The following ST6GALNAC3 variants were observed in gnomAD, a reference collection of about 807,000 sequenced individuals.
ST6GALNAC3 encodes ST6 N-acetylgalactosaminide alpha-2,6-sialyltransferase 3, also known as alpha-N-acetylgalactosaminide alpha-2,6-sialyltransferase 3.
In ST6GALNAC3, 25 loss-of-function variants were observed where a neutral mutation model predicts 32.7. That is an observed-to-expected ratio of 0.76 (90% CI 0.56 to 1.07). ST6GALNAC3 has a LOEUF of 1.07. Among genes scored for constraint, ST6GALNAC3 ranks in the 50% least tolerant of loss-of-function variants. The pLI is 0.00. For synonymous variants in ST6GALNAC3, 129 were observed against 133.1 expected, an observed-to-expected ratio of 0.97 and a Z score of 0.21; for missense variants, 355 against 382.4, an observed-to-expected ratio of 0.93 and a Z score of 0.60.
chr1:76,555,791 C>T lies in ST6GALNAC3; in HGVS notation c.624-71661C>T, dbSNP rs113077932. Among the ~76,000 whole-genome samples the T allele has an allele frequency of 8.3e-3, 1,269 of 152,026 alleles. 14 individuals are homozygous for T. Among genetic ancestry groups the T allele is most frequent in the African/African-American group, 0.029 (1,209 of 41,458 alleles). On this transcript the variant is annotated intron_variant, in intron 3 of 4. Transcript: ENST00000328299. Reference sequence around the variant, plus strand: ...AGATTACAGTAGAATTCCCAGGGTTCTATATTTTTAGAGGGATTCTGGGTA... The same window carrying T: ...AGATTACAGTAGAATTCCCAGGGTTTTATATTTTTAGAGGGATTCTGGGTA...
At chr1:76,589,021 T>C (rs1404131919) in intron 3 of ST6GALNAC3, among the ~76,000 whole-genome samples, 1 of 152,114 alleles carries the variant, frequency 6.6e-6, no homozygotes, top group Non-Finnish European at 1.5e-5. Context: ...TTTTATTTCC[T>C]GTGTAGATCC....
chr1:76,158,282 C>A (rs1651589731), intron 1 of ST6GALNAC3, among the ~76,000 whole-genome samples: 1 of 152,048 alleles, frequency 6.6e-6, no homozygotes, highest in African/African-American at 2.4e-5. Flanking sequence ...ACAATTCTTC[C>A]TTTTTAGGAA....
rs762343978 is a variant in ST6GALNAC3 at position 76,556,696 on chromosome 1, T to C, written c.624-70756T>C. Among the ~76,000 whole-genome samples, 188 of 152,130 alleles carry C rather than the reference T, an allele frequency of 1.2e-3. 8 individuals carry two copies. Among genetic ancestry groups the C allele is most frequent in the Non-Finnish European group, 1.1e-3 (78 of 67,976 alleles). On this transcript the variant is annotated intron_variant, in intron 3 of 4. Transcript: ENST00000328299. ...TTGGATAAATGTTTCTTCAAATCGT[T>C]TGACCATTTTTAATTGGGCTATTTA...
At chr1:76,592,258 T>A (rs1354600631) in intron 3 of ST6GALNAC3, among the ~76,000 whole-genome samples, 1 of 151,644 alleles carries the variant, frequency 6.6e-6, no homozygotes, top group Non-Finnish European at 1.5e-5. Context: ...GATGATGAGG[T>A]TTGGAGGGAA....
rs180693759 is a variant in ST6GALNAC3, at chr1:76,172,362, C to T, written c.18+97478C>T. 3.3e-3 allele frequency among the ~76,000 whole-genome samples: 499 copies of T among 152,236 alleles called. 1 individual carries two copies. The highest frequency in any genetic ancestry group is 0.011 in the African/African-American group (467 of 41,536). The stretch of plus-strand genomic sequence containing the variant: ...TCAAAATAATAAGAGCTATTTATGA[C>T]AAACCCACAGACAATATCATATTGA... On this transcript the variant is annotated intron_variant, in intron 1 of 4. Transcript: ENST00000328299.
chr1:76,468,822 A>G (rs1037861587), intron 3 of ST6GALNAC3, among the ~76,000 whole-genome samples: 2 of 152,060 alleles, frequency 1.3e-5, no homozygotes, highest in African/African-American at 2.4e-5. Context: ...ATTTCTCCTC[A>G]ACTTTTTATT....
At chr1:76,157,808 C>G (rs777048295) in intron 1 of ST6GALNAC3, among the ~76,000 whole-genome samples, 5 of 152,218 alleles carry the variant, frequency 3.3e-5, no homozygotes, top group Non-Finnish European at 7.3e-5. Flanking sequence ...TAACTATCCT[C>G]CATACCTGGA....
chr1:76,142,162 C>T (rs777186543), intron 1 of ST6GALNAC3, among the ~76,000 whole-genome samples: 8 of 152,040 alleles, frequency 5.3e-5, no homozygotes, highest in Non-Finnish European at 1.0e-4. Flanking sequence ...GGAGGGAATG[C>T]GGAGAGGGGT....
chr1:76,308,924 T>C (rs1646695802), intron 1 of ST6GALNAC3, among the ~76,000 whole-genome samples: 1 of 152,338 alleles, frequency 6.6e-6, no homozygotes, highest in Non-Finnish European at 1.5e-5. Flanking sequence ...TAGAATCATC[T>C]CCTACCACTT....
At chr1:76,545,173 G>A (rs1316552472) in intron 3 of ST6GALNAC3, among the ~76,000 whole-genome samples, 2 of 152,092 alleles carry the variant, frequency 1.3e-5, no homozygotes, top group Admixed American at 6.5e-5. Flanking sequence ...AACACATCTG[G>A]AGATTCTGAA....
intron 1 of ST6GALNAC3, among the ~76,000 whole-genome samples, chr1:76,272,100 G>A (rs1658877386): frequency 6.6e-6 from 1 of 151,924 alleles, no homozygotes; most frequent in Non-Finnish European, 1.5e-5. Flanking sequence ...GGGTGAGGTG[G>A]GTGGATCATG....
intron 3 of ST6GALNAC3, among the ~76,000 whole-genome samples, chr1:76,490,848 CT>C (rs1345748529): frequency 3.6e-5 from 5 of 139,890 alleles, no homozygotes; most frequent in Non-Finnish European, 7.4e-5. Context: ...TCTTTTTTTT[CT>C]TTTTTTCTTT....
chr1:76,470,443 C>G (rs1157377858), intron 3 of ST6GALNAC3, among the ~76,000 whole-genome samples: 1 of 152,046 alleles, frequency 6.6e-6, no homozygotes, highest in Non-Finnish European at 1.5e-5. Context: ...TATATAAAAC[C>G]AATTGCTCAT....
In ST6GALNAC3 at chr1:76,629,028, C is replaced by G. The variant is rs897508868; in HGVS notation, c.*222C>G. 1.1e-5 allele frequency: 15 copies of G among 1,343,626 alleles called. No individual in the cohort carries two copies. The highest frequency in any genetic ancestry group is 1.2e-5 in the Non-Finnish European group (13 of 1,051,116). The allele number at this position is 1,343,626 out of a possible 1,614,324, so 83.2% of individuals were successfully genotyped here. On this transcript the variant is annotated 3_prime_UTR_variant, in exon 5 of 5. Transcript: ENST00000328299. ...TGATGTTCTTTCTGGAGGTTCAACA[C>G]TACGTACCGCACTTTATAATTTAAC... is the stretch of plus-strand genomic sequence containing the variant.
At chr1:76,218,922 C>G (rs1655620267) in intron 1 of ST6GALNAC3, among the ~76,000 whole-genome samples, 1 of 152,188 alleles carries the variant, frequency 6.6e-6, no homozygotes, top group Admixed American at 6.5e-5. Flanking sequence ...ATATCAGGCA[C>G]TAAGGGATTT....
intron 1 of ST6GALNAC3, among the ~76,000 whole-genome samples, chr1:76,187,747 GCA>G (rs1262602339): frequency 1.3e-5 from 2 of 151,278 alleles, no homozygotes; most frequent in African/African-American, 4.9e-5. Flanking sequence ...ACACACACAC[GCA>G]CACACACACA....
At position 76,630,963 on chromosome 1, in the gene ST6GALNAC3, A is replaced by G. The variant is rs1649270204; in HGVS notation, c.*2157A>G. The G allele has an allele frequency of 1.0e-6, 1 of 985,518 alleles. No individual in the cohort carries two copies. Among genetic ancestry groups the G allele is most frequent in the Non-Finnish European group, 1.2e-6 (1 of 829,814 alleles). The allele number at this position is 985,518 out of a possible 1,614,324, so 61.0% of individuals were successfully genotyped here. A position where few individuals can be genotyped will look rare whatever the true frequency, so the allele number is the denominator to read the frequency against. Reference sequence around the variant, plus strand: ...TTGATTAATCAGAATGGCTTGGGACATGAACTTAATTTATTTAGTTTTCTA... The same window carrying G: ...TTGATTAATCAGAATGGCTTGGGACGTGAACTTAATTTATTTAGTTTTCTA... On this transcript the variant is annotated 3_prime_UTR_variant, in exon 5 of 5. Transcript: ENST00000328299.
chr1:76,399,808 G>T (rs576016949), intron 2 of ST6GALNAC3, among the ~76,000 whole-genome samples: 14 of 152,144 alleles, frequency 9.2e-5, no homozygotes, highest in African/African-American at 3.1e-4. Flanking sequence ...TCATTTATTA[G>T]ACTTATTCCT....
chr1:76,198,667 G>C (rs530207921), intron 1 of ST6GALNAC3, among the ~76,000 whole-genome samples: 1 of 150,478 alleles, frequency 6.6e-6, no homozygotes, highest in Non-Finnish European at 1.5e-5. Context: ...TCCTGAAGAA[G>C]ATAGTGGTGC....
Sources: allele counts gnomAD v4.1 joint callset (sites outside exome capture counted in the v4.1 genomes callset), GRCh38; gene constraint gnomAD v4.1.1; transcripts MANE v1.5; gene names NCBI Gene and HGNC (gene_info 2026-07-23, HGNC 2026-07-21).